Variants in TBXAS1 observed in about 807,000 individuals in gnomAD.
TBXAS1 encodes the protein thromboxane A synthase 1.
In TBXAS1, 48 loss-of-function variants were observed where a neutral mutation model predicts 60.7. That is an observed-to-expected ratio of 0.79 (90% CI 0.63 to 1.01). The LOEUF (loss-of-function observed/expected upper bound fraction) is 1.01. Ranked by LOEUF, TBXAS1 falls within the 50% of genes least tolerant of loss-of-function variation. The pLI, the probability that TBXAS1 is intolerant of heterozygous loss-of-function variation, is 0.00. For missense variants in TBXAS1, 685 were observed against 686.3 expected (o/e 1.00, Z 0.02); for synonymous variants, 287 against 269.7 (o/e 1.06, Z -0.63).
At chr7:140,001,971 C>T (rs117611705) in intron 9 of TBXAS1, among the ~76,000 whole-genome samples, 1,576 of 152,262 alleles carry the variant, frequency 0.01, 18 homozygotes, top group Non-Finnish European at 0.015. Context: ...ATCTGTTCTC[C>T]CATCTCACCC....
chr7:139,878,675 C>A (rs1802450835), intron 3 of TBXAS1, among the ~76,000 whole-genome samples: 1 of 152,202 alleles, frequency 6.6e-6, no homozygotes, highest in Admixed American at 6.5e-5. Context: ...TAAATTTTAG[C>A]AACATAGTTT....
chr7:139,951,976 AAG>A (rs1170004033), intron 5 of TBXAS1, among the ~76,000 whole-genome samples: 6 of 147,598 alleles, frequency 4.1e-5, no homozygotes, highest in Non-Finnish European at 3.0e-5. Context: ...GAAAGAAAGA[AAG>A]AAAGAAAGAA....
chr7:139,795,207 C>T, intron 4 of TBXAS1, among the ~76,000 whole-genome samples: 1 of 72,104 alleles, frequency 1.4e-5, no homozygotes, highest in African/African-American at 6.2e-5. Context: ...GATTGCCATT[C>T]TAACTGGTGT....
chr7:139,903,082 C>T (rs776345890), intron 3 of TBXAS1, among the ~76,000 whole-genome samples: 9 of 151,972 alleles, frequency 5.9e-5, no homozygotes, highest in Non-Finnish European at 8.8e-5. Context: ...GTCTTTTATC[C>T]CTCACCCTCC....
intron 5 of TBXAS1, among the ~76,000 whole-genome samples, chr7:139,948,106 C>G (rs544102631): frequency 2.0e-5 from 3 of 152,150 alleles, no homozygotes; most frequent in African/African-American, 7.2e-5. Context: ...ATCAAGTGAT[C>G]CACCTGCCTT....
At position 139,885,761 on chromosome 7, in the gene TBXAS1, A is replaced by C. The variant is rs149997209; in HGVS notation, c.236+10124A>C. Among the ~76,000 whole-genome samples, 139 of 152,330 alleles carry C rather than the reference A, an allele frequency of 9.1e-4. 1 individual carries two copies. Among genetic ancestry groups the C allele is most frequent in the African/African-American group, 3.2e-3 (131 of 41,578 alleles). On this transcript the variant is annotated intron_variant, in intron 3 of 12. Transcript: ENST00000448866. The stretch of plus-strand genomic sequence containing the variant: ...TTGTGAGCAGAGGAACTTTTTCCAA[A>C]CAAGTTCTTAGAAATCCTTGCTTGA...
At chr7:140,014,479 G>C (rs1326888103) in intron 10 of TBXAS1, among the ~76,000 whole-genome samples, 2 of 152,186 alleles carry the variant, frequency 1.3e-5, no homozygotes, top group African/African-American at 4.8e-5. Flanking sequence ...AAATCCCTGG[G>C]AAGTGCCAGG....
At chr7:139,894,163 T>C (rs1213338274) in intron 3 of TBXAS1, among the ~76,000 whole-genome samples, 1 of 152,196 alleles carries the variant, frequency 6.6e-6, no homozygotes, top group Non-Finnish European at 1.5e-5. Context: ...GGGGCTTTCC[T>C]TAGCAGCAGG....
At chr7:139,913,835 A>G (rs1805738208) in intron 4 of TBXAS1, 1 of 152,388 alleles carries the variant, frequency 6.6e-6, no homozygotes, top group Admixed American at 6.6e-5. Flanking sequence ...CTTGTGTCTT[A>G]GATCCATTGT....
At chr7:139,956,191 G>A (rs923188123) in intron 7 of TBXAS1, among the ~76,000 whole-genome samples, 3 of 152,078 alleles carry the variant, frequency 2.0e-5, no homozygotes, top group African/African-American at 7.2e-5. Flanking sequence ...TTGTTGTCCA[G>A]GCTGGAGTGC....
chr7:139,963,842 G>A (rs1810557748), intron 9 of TBXAS1, among the ~76,000 whole-genome samples: 1 of 152,186 alleles, frequency 6.6e-6, no homozygotes, highest in Non-Finnish European at 1.5e-5. Flanking sequence ...GCAAATCTTT[G>A]TCTAGGTCTC....
chr7:139,792,573 A>G (rs548998432), intron 4 of TBXAS1, among the ~76,000 whole-genome samples: 3 of 152,366 alleles, frequency 2.0e-5, no homozygotes, highest in African/African-American at 7.2e-5. Context: ...AGTGATGGGA[A>G]TACAGGTGGT....
In TBXAS1 at chr7:139,835,631, T is replaced by C. The variant is rs540048130; in HGVS notation, c.89+6152T>C. Among the ~76,000 whole-genome samples the C allele has an allele frequency of 1.1e-4, 17 of 152,286 alleles. 1 individual carries two copies. The East Asian group carries it at 3.3e-3, about 29-fold the overall frequency. On this transcript the variant is annotated intron_variant, in intron 1 of 12. Coordinates refer to ENST00000448866, the MANE Select transcript of TBXAS1 (RefSeq NM_001061.7). ...TCAGCATACAAGGGACATACCTTAA[T>C]GTAATAAAAGCCATCTATCACAAAC...
intron 5 of TBXAS1, among the ~76,000 whole-genome samples, chr7:139,943,441 A>C (rs1219178648): frequency 6.6e-6 from 1 of 152,224 alleles, no homozygotes; most frequent in African/African-American, 2.4e-5. Flanking sequence ...TTGCATTTAA[A>C]AGAAAACACA....
intron 1 of TBXAS1, among the ~76,000 whole-genome samples, chr7:139,858,003 G>A (rs899696645): frequency 3.3e-5 from 5 of 151,960 alleles, no homozygotes; most frequent in African/African-American, 1.2e-4. Context: ...CAAAACACTG[G>A]GATTATGGGT....
In TBXAS1 at chr7:139,803,047, G is replaced by C. The variant is rs1266479751; in HGVS notation, c.-80+15621G>C. 2.0e-5 allele frequency among the ~76,000 whole-genome samples: 3 copies of C among 152,328 alleles called. No individual in the cohort carries two copies. The East Asian group carries it at 5.8e-4, about 29-fold the overall frequency. ...AACAGTAAATTGGTACTGGTAAAGTGGGGTACTGCTGTAAATATACCTGAA... is the reference window on the plus strand; with the variant it reads ...AACAGTAAATTGGTACTGGTAAAGTCGGGTACTGCTGTAAATATACCTGAA... On this transcript the variant is annotated intron_variant, in intron 4 of 16. Transcript: ENST00000336425.
intron 9 of TBXAS1, among the ~76,000 whole-genome samples, chr7:139,993,985 G>A (rs1813121143): frequency 6.8e-6 from 1 of 147,332 alleles, no homozygotes; most frequent in Non-Finnish European, 1.5e-5. Context: ...CCAGGTTCAA[G>A]TGATTCTCCT....
chr7:139,983,717 G>A (rs753404173), intron 9 of TBXAS1, among the ~76,000 whole-genome samples: 2 of 152,086 alleles, frequency 1.3e-5, no homozygotes, highest in African/African-American at 2.4e-5. Context: ...TCCAGGAGCC[G>A]CCCACTCCGC....
intron 5 of TBXAS1, among the ~76,000 whole-genome samples, chr7:139,952,136 T>G (rs1004065228): frequency 1.3e-5 from 2 of 152,008 alleles, no homozygotes; most frequent in Non-Finnish European, 2.9e-5. Flanking sequence ...AGAACAGAAA[T>G]GAAACCAGCA....
Sources: gnomAD v4.1 joint callset for allele counts (sites outside exome capture counted in the v4.1 genomes callset) on GRCh38, gnomAD v4.1.1 for gene constraint, MANE v1.5 for transcripts, NCBI Gene and HGNC (gene_info 2026-07-23, HGNC 2026-07-21) for gene names.